Variants in SUZ12 observed in about 807,000 individuals in gnomAD.
SUZ12 encodes SUZ12 polycomb repressive complex 2 subunit, also known as polycomb protein SUZ12.
SUZ12 carries 17 observed loss-of-function variants against 87.3 expected under a neutral mutation model. The ratio of observed to expected loss-of-function variants is 0.19; its 90% CI spans 0.13 to 0.29. The LOEUF is 0.29. Ranked by LOEUF, SUZ12 falls within the 10% of genes least tolerant of loss-of-function variation. The pLI is 1.00. For synonymous variants in SUZ12, 253 were observed against 312.4 expected (o/e 0.81, Z 2.01); for missense variants, 526 against 912.2 (o/e 0.58, Z 5.45).
intron 3 of SUZ12, among the ~76,000 whole-genome samples, chr17:31,942,179 A>C (rs979563545): frequency 6.6e-6 from 1 of 151,696 alleles, no homozygotes; most frequent in Non-Finnish European, 1.5e-5. Flanking sequence ...AGTTTGATAG[A>C]AGTTGAGGAT....
At chr17:31,976,674 C>G in intron 8 of SUZ12, 60 bp downstream of exon 8, 3 of 1,240,652 alleles carry the variant, frequency 2.4e-6, no homozygotes, top group Non-Finnish European at 3.4e-6. Context: ...CATTCTGAAG[C>G]AGAATATAAT....
At chr17:31,977,934 T>C (rs1457049818) in intron 8 of SUZ12, among the ~76,000 whole-genome samples, 1 of 152,190 alleles carries the variant, frequency 6.6e-6, no homozygotes, top group Non-Finnish European at 1.5e-5. Flanking sequence ...TGTGTACCTC[T>C]GTGCATTTGG....
At chr17:31,977,948 A>AGG (rs1908858102) in intron 8 of SUZ12, among the ~76,000 whole-genome samples, 1 of 152,234 alleles carries the variant, frequency 6.6e-6, no homozygotes, top group Admixed American at 6.5e-5. Flanking sequence ...CATTTGGTAC[A>AGG]GGATGGCAAG....
Position 31,995,554 on chromosome 17 carries a change from T to G in SUZ12, c.1596-10T>G. 6.2e-7 allele frequency: 1 copy of G among 1,613,566 alleles called. No homozygotes were observed. On this transcript the variant is annotated splice_polypyrimidine_tract_variant and intron_variant, in intron 13 of 15. Coordinates refer to ENST00000322652, the MANE Select transcript of SUZ12 (RefSeq NM_015355.4). Reference sequence around the variant, plus strand: ...GAGGCCATAAATCAACATTTATTTCTTTTCATTAGGCCAAAACGAACAAAA... The same window carrying G: ...GAGGCCATAAATCAACATTTATTTCGTTTCATTAGGCCAAAACGAACAAAA...
chr17:31,942,518 A>T (rs1375911840), intron 3 of SUZ12, among the ~76,000 whole-genome samples: 1 of 151,602 alleles, frequency 6.6e-6, no homozygotes, highest in Non-Finnish European at 1.5e-5. Flanking sequence ...TGTATTTTTC[A>T]TGAAGTTGGG....
At chr17:31,964,307 G>T (rs1257772137) in intron 4 of SUZ12, among the ~76,000 whole-genome samples, 1 of 151,908 alleles carries the variant, frequency 6.6e-6, no homozygotes, top group East Asian at 1.9e-4. Flanking sequence ...TTACAGTTGT[G>T]AGCCACCGCA....
intron 8 of SUZ12, among the ~76,000 whole-genome samples, chr17:31,982,299 A>G (rs555103879): frequency 6.6e-6 from 1 of 152,048 alleles, no homozygotes; most frequent in Non-Finnish European, 1.5e-5. Context: ...CAGTAGTTAA[A>G]GGTAACAGAA....
intron 3 of SUZ12, among the ~76,000 whole-genome samples, chr17:31,945,872 A>G (rs770988602): frequency 5.9e-5 from 9 of 152,216 alleles, no homozygotes; most frequent in Non-Finnish European, 1.0e-4. Context: ...AAAAGTTTTC[A>G]GTAGTTTCAT....
intron 8 of SUZ12, among the ~76,000 whole-genome samples, chr17:31,981,763 T>G (rs1194612403): frequency 6.6e-6 from 1 of 152,262 alleles, no homozygotes; most frequent in Non-Finnish European, 1.5e-5. Flanking sequence ...TTGCTGGATC[T>G]GGCTATTTAC....
chr17:31,989,428 T>C (rs1909588408), intron 10 of SUZ12, among the ~76,000 whole-genome samples: 1 of 152,154 alleles, frequency 6.6e-6, no homozygotes, highest in Non-Finnish European at 1.5e-5. Flanking sequence ...AGTATAGATA[T>C]CATATATAAC....
intron 4 of SUZ12, among the ~76,000 whole-genome samples, chr17:31,963,304 C>T (rs1194712033): frequency 6.6e-6 from 1 of 152,038 alleles, no homozygotes; most frequent in African/African-American, 2.4e-5. Flanking sequence ...GCCACAACGC[C>T]TGGCTAATTT....
intron 4 of SUZ12, among the ~76,000 whole-genome samples, chr17:31,949,540 G>C (rs1174523679): frequency 6.7e-6 from 1 of 149,762 alleles, no homozygotes; most frequent in Non-Finnish European, 1.5e-5. Flanking sequence ...TTTTTTTTGA[G>C]ATGGAGTCAT....
chr17:31,993,525 T>A (rs530715), intron 11 of SUZ12, among the ~76,000 whole-genome samples, 192 bp downstream of exon 11: 1 of 151,982 alleles, frequency 6.6e-6, no homozygotes, highest in Non-Finnish European at 1.5e-5. Flanking sequence ...GGGTTCAACC[T>A]GATTCTCACG....
At chr17:31,952,045 A>G (rs1210766488) in intron 4 of SUZ12, among the ~76,000 whole-genome samples, 2 of 151,586 alleles carry the variant, frequency 1.3e-5, no homozygotes, top group African/African-American at 4.9e-5. Context: ...AAAGTGTTGC[A>G]ATTACAGGCT....
intron 4 of SUZ12, among the ~76,000 whole-genome samples, chr17:31,958,247 T>A (rs1324642593): frequency 6.6e-6 from 1 of 152,086 alleles, no homozygotes; most frequent in Non-Finnish European, 1.5e-5. Context: ...TTTTGCCCAG[T>A]GTGACCTCGA....
chr17:31,997,039 GTTTT>G (rs908689050), intron 15 of SUZ12, among the ~76,000 whole-genome samples, 162 bp downstream of exon 15: 2 of 151,440 alleles, frequency 1.3e-5, no homozygotes, highest in South Asian at 2.1e-4. Context: ...GGTTTGGCAG[GTTTT>G]TTTTAGGTAC....
intron 4 of SUZ12, among the ~76,000 whole-genome samples, chr17:31,962,286 T>C (rs1387249667): frequency 4.0e-5 from 6 of 151,452 alleles, no homozygotes; most frequent in Non-Finnish European, 8.8e-5. Flanking sequence ...AAAAAAAAAA[T>C]AATTGAATTA....
At position 31,939,947 on chromosome 17, in the gene SUZ12, C is replaced by T. The variant is rs575348018; in HGVS notation, c.275-339C>T. The stretch of plus-strand genomic sequence containing the variant: ...TTACAGCTGCTTTTTGGAAGAAAAT[C>T]GGTAATAAATAGTTTAAATTAGCTA... On this transcript the variant is annotated intron_variant, in intron 1 of 15. Transcript: ENST00000322652. Among the ~76,000 whole-genome samples, 39 of 152,248 alleles carry T rather than the reference C, an allele frequency of 2.6e-4. No homozygotes were observed. In the South Asian group the frequency reaches 6.0e-3, roughly 23 times the overall value.
rs1472435056 is a variant in SUZ12, at chr17:31,993,338, A to G, written c.1293+5A>G. The G allele has an allele frequency of 3.3e-6, 5 of 1,494,956 alleles. No individual in the cohort carries two copies. Among genetic ancestry groups the G allele is most frequent in the Non-Finnish European group, 4.6e-6 (5 of 1,093,206 alleles). 92.6% of individuals were successfully genotyped at this position (1,494,956 alleles called of 1,614,324 possible). A position where few individuals can be genotyped will look rare whatever the true frequency, so the allele number is the denominator to read the frequency against. On this transcript the variant is annotated splice_donor_5th_base_variant and intron_variant, in intron 11 of 15. Transcript: ENST00000322652. Reference sequence around the variant, plus strand: ...AAATTAAGAATATTTTATCAGGTAAACATAGCTGACCCTTCTTAAAGTAAT... The same window carrying G: ...AAATTAAGAATATTTTATCAGGTAAGCATAGCTGACCCTTCTTAAAGTAAT...
Sources: gnomAD v4.1 joint callset for allele counts (sites outside exome capture counted in the v4.1 genomes callset) on GRCh38, gnomAD v4.1.1 for gene constraint, MANE v1.5 for transcripts, NCBI Gene and HGNC (gene_info 2026-07-23, HGNC 2026-07-21) for gene names.